YBX3: variants seen among roughly 807,000 people sequenced by gnomAD.
YBX3 encodes the protein Y-box-binding protein 3.
A neutral mutation model predicts 42.4 loss-of-function variants in YBX3; 29 were observed. The observed-to-expected ratio is 0.68, with a 90% CI of 0.51 to 0.93. YBX3 has a LOEUF of 0.93. Ranked by LOEUF, YBX3 falls within the 40% of genes least tolerant of loss-of-function variation. YBX3 has a pLI of 0.00. For missense variants in YBX3, 517 were observed against 527.5 expected (o/e 0.98, Z 0.19); for synonymous variants, 195 against 189.8 (o/e 1.03, Z -0.22).
In YBX3 at chr12:10,702,134, G is replaced by A; in HGVS notation, c.879C>T (p.Ser293=). The change falls in exon 8 of 10, where the codon AGC becomes AGT. Residue 293 remains serine, a splice_region_variant and synonymous_variant. Transcript: ENST00000228251. ...CAGGTCGTGGGCGAGGAGGTCCCCTGCTGTAGGGAACACAGAAGAAAATAG... is the reference window on the plus strand; with the variant it reads ...CAGGTCGTGGGCGAGGAGGTCCCCTACTGTAGGGAACACAGAAGAAAATAG... ...RNPTYRPRYR[S]RGPPRPRPAP... The A allele has an allele frequency of 6.2e-7, 1 of 1,613,268 alleles. No individual in the cohort carries two copies. The highest frequency in any genetic ancestry group is 8.5e-7 in the Non-Finnish European group (1 of 1,179,614).
At chr12:10,705,470 C>T (rs1948127041) in intron 6 of YBX3, among the ~76,000 whole-genome samples, 1 of 152,180 alleles carries the variant, frequency 6.6e-6, no homozygotes. Flanking sequence ...TATTGGTGTT[C>T]ACTAATGATT....
intron 2 of YBX3, 125 bp downstream of exon 2, chr12:10,718,955 T>C (rs1192572762): frequency 4.0e-6 from 3 of 756,952 alleles, no homozygotes; most frequent in Admixed American, 2.9e-5. Context: ...GAAATGAGAA[T>C]ATTTACAGTG....
Position 10,719,130 on chromosome 12 carries a change from A to T in YBX3, c.276T>A (p.Leu92=). 1 of 1,613,660 alleles carries T rather than the reference A, an allele frequency of 6.2e-7. No homozygotes were observed. Among genetic ancestry groups the T allele is most frequent in the East Asian group, 2.2e-5 (1 of 44,816 alleles). The change falls in exon 2 of 10, where the codon CTT becomes CTA. Residue 92 remains leucine, a synonymous_variant. Coordinates refer to ENST00000228251, the MANE Select transcript of YBX3 (RefSeq NM_003651.5). ...AEKKVLATKV[L]GTVKWFNVRN... is the part of the protein sequence containing the mutation. ...TGACGTTGAACCATTTGACAGTGCC[A>T]AGGACTTTGGTGGCTAAAATAGGAT...
intron 7 of YBX3, 68 bp downstream of exon 7, chr12:10,703,983 C>G (rs548970269): frequency 6.8e-7 from 1 of 1,461,418 alleles, no homozygotes; most frequent in South Asian, 1.1e-5. Context: ...AACGGAACCA[C>G]ACAGTCCTCA....
chr12:10,722,808 C>A (rs770316383), intron 1 of YBX3, 42 bp downstream of exon 1: 2 of 1,391,456 alleles, frequency 1.4e-6, no homozygotes, highest in Non-Finnish European at 1.9e-6. Flanking sequence ...CGGCTGGGCC[C>A]GCCCCACTAC....
intron 8 of YBX3, among the ~76,000 whole-genome samples, chr12:10,701,678 G>A (rs1444439827): frequency 1.3e-5 from 2 of 152,126 alleles, no homozygotes; most frequent in Non-Finnish European, 2.9e-5. Flanking sequence ...CATGCTTAGA[G>A]GCAGCTTCCT....
In YBX3 at chr12:10,701,289, T is replaced by TA. The variant is rs1405426705; in HGVS notation, c.1117dup (p.Ter373LeufsTer14). The TA allele has an allele frequency of 1.3e-6, 1 of 780,686 alleles. No homozygotes were observed. The highest frequency in any genetic ancestry group is 1.7e-5 in the Admixed American group (1 of 59,040). The allele number at this position is 780,686 out of a possible 1,614,324, so 48.4% of individuals were successfully genotyped here. On this transcript the variant is annotated frameshift_variant and stop_lost, in exon 9 of 10. Coordinates refer to ENST00000228251, the MANE Select transcript of YBX3 (RefSeq NM_003651.5). LOFTEE classifies it high-confidence loss of function. Reference sequence around the variant, plus strand: ...TGAAGGTGCCTGAGGAGCCTGGTGTTACTCAGCACTGCTCTGCTGGGTGGG... The same window carrying TA: ...TGAAGGTGCCTGAGGAGCCTGGTGTTAACTCAGCACTGCTCTGCTGGGTGGG...
Position 10,722,911 on chromosome 12 carries a change from G to C in YBX3, c.201C>G (p.Thr67=), listed in dbSNP as rs776245310. The change falls in exon 1 of 10, where the codon ACC becomes ACG. Residue 67 remains threonine, a synonymous_variant. Coordinates refer to ENST00000228251, the MANE Select transcript of YBX3 (RefSeq NM_003651.5). ...CGGTGGCTAAAGAGGCGGCGGCCGC[G>C]GTGCCCGTGGCTGCGGGGGCCGCGT... is the stretch of plus-strand genomic sequence containing the variant. ...GGDAAPAATG[T]AAAASLATAA... 1 of 1,423,362 alleles carries C rather than the reference G, an allele frequency of 7.0e-7. No individual in the cohort carries two copies. Among genetic ancestry groups the C allele is most frequent in the South Asian group, 1.5e-5 (1 of 66,410 alleles). The allele number at this position is 1,423,362 out of a possible 1,614,324, so 88.2% of individuals were successfully genotyped here. A position where few individuals can be genotyped will look rare whatever the true frequency, so the allele number is the denominator to read the frequency against.
chr12:10,716,246 A>T (rs1948260703), intron 3 of YBX3: 1 of 166,080 alleles, frequency 6.0e-6, no homozygotes, highest in Non-Finnish European at 1.3e-5. Context: ...AGAACGTATT[A>T]GTAATAATCT....
At chr12:10,704,883 T>C (rs912396373) in intron 6 of YBX3, among the ~76,000 whole-genome samples, 5 of 152,230 alleles carry the variant, frequency 3.3e-5, no homozygotes, top group African/African-American at 1.2e-4. Flanking sequence ...TTTTCTATCA[T>C]TTCCATCCAA....
At chr12:10,721,205 T>G (rs1948320837) in intron 1 of YBX3, among the ~76,000 whole-genome samples, 1 of 152,182 alleles carries the variant, frequency 6.6e-6, no homozygotes, top group African/African-American at 2.4e-5. Context: ...GAAAGGGCTG[T>G]CCTTCATTTT....
intron 6 of YBX3, among the ~76,000 whole-genome samples, chr12:10,705,736 A>G (rs1948130327): frequency 6.6e-6 from 1 of 152,100 alleles, no homozygotes; most frequent in Admixed American, 6.5e-5. Flanking sequence ...AAATTTTTCA[A>G]TATATTGGTT....
intron 5 of YBX3, 52 bp from the exon 6 acceptor site, chr12:10,710,166 C>A (rs968402717): frequency 8.9e-6 from 14 of 1,579,442 alleles, no homozygotes; most frequent in Non-Finnish European, 1.2e-5. Context: ...AAGGAAAGAA[C>A]CAAAGAACAC....
At chr12:10,703,589 G>GA in intron 7 of YBX3, 1 of 439,102 alleles carries the variant, frequency 2.3e-6, no homozygotes, top group South Asian at 1.6e-5. Flanking sequence ...GCGCAGGCTG[G>GA]AATGCAGTCC....
chr12:10,707,082 C>T (rs1248857245), intron 6 of YBX3, among the ~76,000 whole-genome samples: 1 of 151,946 alleles, frequency 6.6e-6, no homozygotes. Flanking sequence ...CCATTTCTCC[C>T]CTTCAGACTC....
intron 7 of YBX3, chr12:10,703,722 T>A (rs1003966432): frequency 6.3e-6 from 2 of 317,762 alleles, no homozygotes; most frequent in African/African-American, 4.3e-5. Context: ...AAATATCCTC[T>A]GACACTCAAT....
rs182297440 is a variant in YBX3, at chr12:10,705,709, A to G, written c.781-1561T>C. ...GAGGAAGTACTTACAAAGTGCATAA[A>G]TATACTATTCGTTATCAAATTTTTC... On this transcript the variant is annotated intron_variant, in intron 6 of 9. Coordinates refer to ENST00000228251, the MANE Select transcript of YBX3 (RefSeq NM_003651.5). Among the ~76,000 whole-genome samples, 292 of 152,336 alleles carry G rather than the reference A, an allele frequency of 1.9e-3. 2 individuals carry two copies. Among genetic ancestry groups the G allele is most frequent in the African/African-American group, 6.8e-3 (281 of 41,564 alleles).
chr12:10,717,881 A>C, intron 3 of YBX3: 1 of 414,916 alleles, frequency 2.4e-6, no homozygotes, highest in Admixed American at 4.3e-5. Flanking sequence ...GCAAAAATAA[A>C]ACTATTTGAA....
rs79684264 is a variant in YBX3 at position 10,717,633 on chromosome 12, C to T, written c.360+455G>A. ...GGCTACCCTGGGAACTGGAAGTTTT[C>T]TCATCTTACTATCTGCTTCTCTGCG... On this transcript the variant is annotated intron_variant, in intron 3 of 9. Transcript: ENST00000228251. The T allele has an allele frequency of 5.4e-3, 823 of 152,590 alleles. 12 individuals are homozygous for T. The highest frequency in any genetic ancestry group is 0.032 in the East Asian group (167 of 5,188). The allele number at this position is 152,590 out of a possible 1,614,324, so 9.5% of individuals were successfully genotyped here. A position where few individuals can be genotyped will look rare whatever the true frequency, so the allele number is the denominator to read the frequency against.
Sources: allele counts gnomAD v4.1 joint callset (sites outside exome capture counted in the v4.1 genomes callset), GRCh38; gene constraint gnomAD v4.1.1; transcripts MANE v1.5; gene names NCBI Gene and HGNC (gene_info 2026-07-23, HGNC 2026-07-21).